The following ZNF536 variants were observed in gnomAD, a reference collection of about 807,000 sequenced individuals.
ZNF536 encodes zinc finger protein 536.
In ZNF536, 13 loss-of-function variants were observed where a neutral mutation model predicts 84.5. The observed-to-expected ratio is 0.15, with a 90% CI of 0.10 to 0.24. The LOEUF is 0.24. Ranked by LOEUF, ZNF536 falls within the 10% of genes least tolerant of loss-of-function variation. The pLI, the probability that ZNF536 is intolerant of heterozygous loss-of-function variation, is 1.00. For missense variants in ZNF536, 1,536 were observed against 1,747.5 expected, an observed-to-expected ratio of 0.88 and a Z score of 2.16; for synonymous variants, 811 against 742.5, an observed-to-expected ratio of 1.09 and a Z score of -1.50.
At chr19:30,228,411 T>G (rs2022745103), upstream of ZNF536, 2 of 151,876 alleles carry the variant, frequency 1.3e-5, no homozygotes, top group Admixed American at 1.3e-4. This position sits in a 1 kb window ranked among gnomAD's most constrained non-coding sequence, Gnocchi z 4.5. Context: ...GCCAGGAAAG[T>G]GGACATTACC....
intron 1 of ZNF536, among the ~76,000 whole-genome samples, chr19:30,248,722 A>G (rs1004561650): frequency 5.9e-5 from 9 of 152,316 alleles, no homozygotes; most frequent in African/African-American, 1.7e-4. Flanking sequence ...ACATGTTATT[A>G]GTACTGTTCC....
intron 1 of ZNF536, among the ~76,000 whole-genome samples, chr19:30,668,975 T>A (rs566325751): frequency 1.6e-4 from 25 of 152,210 alleles, no homozygotes; most frequent in African/African-American, 5.3e-4. Context: ...GCGAGGGTGG[T>A]CTCTGAGTGG....
At chr19:30,308,915 T>C (rs1157940124) in intron 2 of ZNF536, among the ~76,000 whole-genome samples, 1 of 152,186 alleles carries the variant, frequency 6.6e-6, no homozygotes, top group Non-Finnish European at 1.5e-5. Context: ...TTTCTTATGA[T>C]GCTATTCAAT....
intron 1 of ZNF536, among the ~76,000 whole-genome samples, chr19:30,597,850 C>T (rs1284454163): frequency 2.0e-5 from 3 of 151,654 alleles, no homozygotes; most frequent in East Asian, 1.9e-4. Flanking sequence ...TTATTATTGT[C>T]GTATGCATGT....
At chr19:30,282,768 C>A (rs577486685) in intron 1 of ZNF536, among the ~76,000 whole-genome samples, 2 of 151,148 alleles carry the variant, frequency 1.3e-5, no homozygotes, top group Non-Finnish European at 2.9e-5. Context: ...TTGAGTGACA[C>A]GGGGAAAAAA....
At position 30,379,450 on chromosome 19, in the gene ZNF536, C is replaced by T. The variant is rs913779436; in HGVS notation, c.-3+6894C>T. 8.6e-5 allele frequency among the ~76,000 whole-genome samples: 13 copies of T among 151,858 alleles called. No individual in the cohort carries two copies. The South Asian group carries it at 2.3e-3, about 27-fold the overall frequency. ...CCACTGAGCCTCTGCAACCCCAGTG[C>T]GTCATGGGGGTGTGTTGAATGCTTT... On this transcript the variant is annotated intron_variant, in intron 1 of 4. Coordinates refer to ENST00000355537, the MANE Select transcript of ZNF536 (RefSeq NM_014717.3).
intron 1 of ZNF536, among the ~76,000 whole-genome samples, chr19:30,677,002 A>T (rs1281805306): frequency 6.6e-6 from 1 of 152,204 alleles, no homozygotes; most frequent in South Asian, 2.1e-4. Flanking sequence ...CGACACACCC[A>T]GTCAAATATT....
intron 3 of ZNF536, among the ~76,000 whole-genome samples, chr19:30,358,498 C>G (rs1445229041): frequency 6.6e-6 from 1 of 152,262 alleles, no homozygotes; most frequent in African/African-American, 2.4e-5. Flanking sequence ...AGGGCCGTTC[C>G]TGGCCCACTG....
At chr19:30,263,552 T>C (rs2025337684) in intron 1 of ZNF536, among the ~76,000 whole-genome samples, 2 of 152,196 alleles carry the variant, frequency 1.3e-5, no homozygotes, top group South Asian at 4.1e-4. Flanking sequence ...GTAATGCCAC[T>C]ATGAAAGGTG....
chr19:30,638,106 T>C (rs974076624), intron 1 of ZNF536, among the ~76,000 whole-genome samples: 1 of 152,128 alleles, frequency 6.6e-6, no homozygotes, highest in Non-Finnish European at 1.5e-5. Context: ...TCCAGATCTG[T>C]TGTGTTGACA....
Position 30,382,569 on chromosome 19 carries a change from AT to A in ZNF536, c.-3+10025del, listed in dbSNP as rs34080241. ...TTGGTGGATGGGATGTGGGCAGGGA[AT>A]TTTTTTTTTTTCTAAGAAGGAAGTT... On this transcript the variant is annotated intron_variant, in intron 1 of 4. Coordinates refer to ENST00000355537, the MANE Select transcript of ZNF536 (RefSeq NM_014717.3). 2.4e-4 allele frequency among the ~76,000 whole-genome samples: 36 copies of A among 149,476 alleles called. No individual in the cohort carries two copies. The Middle Eastern group carries it at 0.017, about 72-fold the overall frequency.
chr19:30,373,456 AAAT>A (rs1203536623), intron 1 of ZNF536, among the ~76,000 whole-genome samples: 3 of 152,306 alleles, frequency 2.0e-5, no homozygotes, highest in Non-Finnish European at 4.4e-5. Flanking sequence ...AAACAAAACA[AAAT>A]AAAATAAAAT....
chr19:30,431,613 C>G lies in ZNF536; in HGVS notation c.-2-11948C>G, dbSNP rs192202640. Among the ~76,000 whole-genome samples, 278 of 152,302 alleles carry G rather than the reference C, an allele frequency of 1.8e-3. 1 individual carries two copies. Among genetic ancestry groups the G allele is most frequent in the Middle Eastern group, 6.8e-3 (2 of 294 alleles). ...GTTTTGCACCGAATCAAATCTGAGG[C>G]CTCTGTGAAATGAAAATAAACTGTT... On this transcript the variant is annotated intron_variant, in intron 1 of 4. Coordinates refer to ENST00000355537, the MANE Select transcript of ZNF536 (RefSeq NM_014717.3).
intron 2 of ZNF536, among the ~76,000 whole-genome samples, chr19:30,347,558 G>A (rs10416923): frequency 0.62 from 94,771 of 152,062 alleles, 30,309 homozygotes; most frequent in East Asian, 0.81. Flanking sequence ...ATGAAGAAAT[G>A]GAGGCTCGGG....
intron 2 of ZNF536, among the ~76,000 whole-genome samples, chr19:30,466,826 C>T (rs73546161): frequency 0.028 from 4,190 of 147,778 alleles, 223 homozygotes; most frequent in African/African-American, 0.099. Context: ...AGGAAACTTA[C>T]CATTTTAACC....
At position 30,430,067 on chromosome 19, in the gene ZNF536, G is replaced by T. The variant is rs368333079; in HGVS notation, c.-2-13494G>T. ...AGGGTGGGGGAGGGGATTGGGAGTG[G>T]CTGTGTGGAAGAACTGTTCTCTTCT... On this transcript the variant is annotated intron_variant, in intron 1 of 4. Transcript: ENST00000355537. 3.6e-4 allele frequency among the ~76,000 whole-genome samples: 55 copies of T among 152,182 alleles called. 1 individual carries two copies. The South Asian group carries it at 0.011, about 30-fold the overall frequency.
intron 1 of ZNF536, among the ~76,000 whole-genome samples, chr19:30,707,663 C>T (rs1305138772): frequency 2.6e-5 from 4 of 152,136 alleles, no homozygotes; most frequent in African/African-American, 7.2e-5. Flanking sequence ...GAAATTTAGC[C>T]TTGTCTTAGG....
At chr19:30,602,695 C>T (rs1380072718) in intron 1 of ZNF536, among the ~76,000 whole-genome samples, 4 of 152,092 alleles carry the variant, frequency 2.6e-5, no homozygotes, top group Non-Finnish European at 4.4e-5. Flanking sequence ...GTTCAAGGAG[C>T]AACAGATGCA....
intron 1 of ZNF536, among the ~76,000 whole-genome samples, chr19:30,405,633 C>CA (rs2050232081): frequency 6.6e-6 from 1 of 152,104 alleles, no homozygotes; most frequent in Non-Finnish European, 1.5e-5. Context: ...TTTATGGGCG[C>CA]AGTGTTGTAG....
Sources: gnomAD v4.1 joint callset for allele counts (sites outside exome capture counted in the v4.1 genomes callset) on GRCh38, gnomAD v4.1.1 for gene constraint, Gnocchi (gnomAD v3.1) non-coding constraint, MANE v1.5 for transcripts, NCBI Gene and HGNC (gene_info 2026-07-23, HGNC 2026-07-21) for gene names.